FCHSD2: variants seen among roughly 807,000 people sequenced by gnomAD.
FCHSD2 encodes the protein FCH and double SH3 domains 2.
Under a neutral mutation model 108.1 loss-of-function variants are expected in FCHSD2, and 38 were observed. The observed-to-expected ratio is 0.35, with a 90% CI of 0.27 to 0.46. FCHSD2 has a LOEUF of 0.46. Ranked by LOEUF, FCHSD2 falls within the 20% of genes least tolerant of loss-of-function variation. The pLI, the probability that FCHSD2 is intolerant of heterozygous loss-of-function variation, is 1.00. For synonymous variants in FCHSD2, 279 were observed against 314.7 expected, an observed-to-expected ratio of 0.89 and a Z score of 1.20; for missense variants, 751 against 897.8, an observed-to-expected ratio of 0.84 and a Z score of 2.09.
At chr11:72,986,790 C>T (rs1373929793) in intron 6 of FCHSD2, among the ~76,000 whole-genome samples, 2 of 152,112 alleles carry the variant, frequency 1.3e-5, no homozygotes, top group East Asian at 1.9e-4. Context: ...AAAATAGTAC[C>T]TGTTCTCAAA....
At chr11:73,024,344 T>C (rs1282329805) in intron 3 of FCHSD2, among the ~76,000 whole-genome samples, 1 of 152,140 alleles carries the variant, frequency 6.6e-6, no homozygotes, top group Non-Finnish European at 1.5e-5. Flanking sequence ...TGGAAAAAAG[T>C]ATTTTAGCTA....
intron 3 of FCHSD2, among the ~76,000 whole-genome samples, chr11:73,025,025 C>T (rs1346122864): frequency 6.6e-6 from 1 of 152,122 alleles, no homozygotes; most frequent in Non-Finnish European, 1.5e-5. Context: ...AAAAAGAACG[C>T]TTATACACTG....
intron 2 of FCHSD2, among the ~76,000 whole-genome samples, chr11:73,118,866 C>T (rs797008393): frequency 1.2e-4 from 19 of 152,230 alleles, no homozygotes; most frequent in African/African-American, 4.6e-4. Flanking sequence ...GGTCATACAA[C>T]TAGGGGAAAA....
intron 2 of FCHSD2, among the ~76,000 whole-genome samples, chr11:73,139,325 T>C (rs1861192949): frequency 6.6e-6 from 1 of 152,246 alleles, no homozygotes; most frequent in Non-Finnish European, 1.5e-5. Context: ...GCAGCCACTC[T>C]TGCTTCACCA....
At chr11:72,958,689 T>G (rs1856762055) in intron 8 of FCHSD2, among the ~76,000 whole-genome samples, 1 of 152,198 alleles carries the variant, frequency 6.6e-6, no homozygotes, top group Non-Finnish European at 1.5e-5. Flanking sequence ...AAATCTACCT[T>G]CAGAGAAAGG....
intron 14 of FCHSD2, among the ~76,000 whole-genome samples, chr11:72,844,274 T>C (rs1392409337): frequency 6.6e-6 from 1 of 152,152 alleles, no homozygotes. Flanking sequence ...TGCAAAGAAC[T>C]ATGTACGTGA....
At chr11:72,883,669 C>A (rs1336454075) in intron 12 of FCHSD2, among the ~76,000 whole-genome samples, 1 of 152,168 alleles carries the variant, frequency 6.6e-6, no homozygotes, top group African/African-American at 2.4e-5. Flanking sequence ...CAGTGGCTCA[C>A]GCCTGTAATC....
At chr11:72,877,394 TG>T (rs757755029) in intron 12 of FCHSD2, among the ~76,000 whole-genome samples, 7 of 152,184 alleles carry the variant, frequency 4.6e-5, no homozygotes, top group Non-Finnish European at 7.3e-5. Context: ...GGCTATATAA[TG>T]GAAATATCAC....
At position 73,142,106 on chromosome 11, in the gene FCHSD2, G is replaced by T. The variant is rs1861263888; in HGVS notation, c.-229C>A. The T allele has an allele frequency of 6.9e-6, 3 of 432,160 alleles. No homozygotes were observed. The highest frequency in any genetic ancestry group is 4.1e-6 in the Non-Finnish European group (1 of 242,236). 26.8% of individuals were successfully genotyped at this position (432,160 alleles called of 1,614,324 possible). A position where few individuals can be genotyped will look rare whatever the true frequency, so the allele number is the denominator to read the frequency against. ...GGAGCACCGGGAAGGCTTGGGGCCC[G>T]GGCGGCCCGGGCGGCCCGGGGGTGT... On this transcript the variant is annotated 5_prime_UTR_variant, in exon 1 of 20. Transcript: ENST00000409418.
chr11:73,129,650 T>C (rs1860946383), intron 2 of FCHSD2, among the ~76,000 whole-genome samples: 1 of 152,216 alleles, frequency 6.6e-6, no homozygotes, highest in South Asian at 2.1e-4. Flanking sequence ...ATTGTTTTCA[T>C]TATATATTAC....
intron 8 of FCHSD2, among the ~76,000 whole-genome samples, chr11:72,969,545 G>A (rs1294364667): frequency 5.9e-5 from 9 of 152,122 alleles, no homozygotes; most frequent in Non-Finnish European, 1.3e-4. Context: ...TGCACAAAGT[G>A]GAACTTTAGG....
At chr11:73,042,275 G>A (rs1044342664) in intron 3 of FCHSD2, among the ~76,000 whole-genome samples, 1 of 152,036 alleles carries the variant, frequency 6.6e-6, no homozygotes, top group Non-Finnish European at 1.5e-5. Context: ...TTCCGCATAT[G>A]GATATTCAGC....
chr11:72,847,203 G>T (rs1390450011), intron 14 of FCHSD2, among the ~76,000 whole-genome samples: 4 of 152,064 alleles, frequency 2.6e-5, no homozygotes, highest in African/African-American at 9.7e-5. Context: ...TTTCTTTGTT[G>T]CCCAGGCTGG....
chr11:72,911,563 G>A (rs531019705), intron 9 of FCHSD2, among the ~76,000 whole-genome samples: 1 of 152,140 alleles, frequency 6.6e-6, no homozygotes, highest in Non-Finnish European at 1.5e-5. Context: ...TGAATCTGTA[G>A]ACTGCTTTGG....
At chr11:73,136,728 C>A (rs1474407685) in intron 2 of FCHSD2, among the ~76,000 whole-genome samples, 1 of 152,074 alleles carries the variant, frequency 6.6e-6, no homozygotes, top group African/African-American at 2.4e-5. Context: ...CAACTTAATT[C>A]ATATAAAAAC....
intron 2 of FCHSD2, among the ~76,000 whole-genome samples, chr11:73,093,693 C>T (rs1036269021): frequency 6.6e-6 from 1 of 152,064 alleles, no homozygotes; most frequent in Non-Finnish European, 1.5e-5. Context: ...CCTCCGCCTC[C>T]CGGGTTCAAG....
intron 6 of FCHSD2, among the ~76,000 whole-genome samples, chr11:72,987,303 C>T (rs1319829785): frequency 6.6e-6 from 1 of 152,186 alleles, no homozygotes; most frequent in African/African-American, 2.4e-5. Context: ...TTCTATAAAG[C>T]TTTCATTTAT....
At chr11:73,041,305 A>G (rs1175079272) in intron 3 of FCHSD2, among the ~76,000 whole-genome samples, 1 of 152,130 alleles carries the variant, frequency 6.6e-6, no homozygotes. Context: ...AAACTTCCAT[A>G]CTGTTTTCCA....
At chr11:73,062,437 G>A (rs1392245272) in intron 3 of FCHSD2, among the ~76,000 whole-genome samples, 2 of 152,190 alleles carry the variant, frequency 1.3e-5, no homozygotes, top group Non-Finnish European at 2.9e-5. Context: ...TGGAGAACGA[G>A]TTTGACAAAT....
Sources: allele counts gnomAD v4.1 joint callset (sites outside exome capture counted in the v4.1 genomes callset), GRCh38; gene constraint gnomAD v4.1.1; transcripts MANE v1.5; gene names NCBI Gene and HGNC (gene_info 2026-07-23, HGNC 2026-07-21).